PPP1R12A: variants seen among roughly 807,000 people sequenced by gnomAD.
PPP1R12A encodes myosin binding subunit.
Under a neutral mutation model 139.6 loss-of-function variants are expected in PPP1R12A, and 19 were observed. That is an observed-to-expected ratio of 0.14 (90% CI 0.09 to 0.20). The LOEUF is 0.20. PPP1R12A is among the 10% of genes least tolerant of loss of function. The probability of loss-of-function intolerance (pLI) is 1.00; values close to 1 mark genes in which losing one functional copy is unlikely to be tolerated. For synonymous variants in PPP1R12A, 427 were observed against 420.6 expected, an observed-to-expected ratio of 1.02 and a Z score of -0.19; for missense variants, 925 against 1,211.5, an observed-to-expected ratio of 0.76 and a Z score of 3.51.
intron 1 of PPP1R12A, among the ~76,000 whole-genome samples, chr12:79,901,526 A>G (rs993367578): frequency 6.6e-6 from 1 of 152,130 alleles, no homozygotes; most frequent in Non-Finnish European, 1.5e-5. Context: ...AAAAAAAAAA[A>G]GTATGTGAAA....
At chr12:79,923,263 G>A (rs533896991) in intron 1 of PPP1R12A, among the ~76,000 whole-genome samples, 2 of 152,170 alleles carry the variant, frequency 1.3e-5, no homozygotes, top group African/African-American at 2.4e-5. Context: ...TGCTGAGGGA[G>A]ACTTCGTCTC....
At chr12:79,892,941 T>C (rs935770451) in intron 1 of PPP1R12A, among the ~76,000 whole-genome samples, 2 of 151,938 alleles carry the variant, frequency 1.3e-5, no homozygotes, top group Non-Finnish European at 2.9e-5. Context: ...CCGTCTCTAC[T>C]AAAAATACAA....
At chr12:79,910,916 T>C (rs1384273229) in intron 1 of PPP1R12A, among the ~76,000 whole-genome samples, 1 of 152,176 alleles carries the variant, frequency 6.6e-6, no homozygotes, top group East Asian at 1.9e-4. Context: ...AGCACAGAAT[T>C]CTGAAGATCA....
intron 1 of PPP1R12A, among the ~76,000 whole-genome samples, chr12:79,889,756 T>C (rs1043867063): frequency 1.3e-5 from 2 of 152,262 alleles, no homozygotes; most frequent in South Asian, 4.1e-4. Context: ...TAAAATATCA[T>C]AAACTGGGGG....
chr12:79,822,112 A>T lies in PPP1R12A; in HGVS notation c.867+4T>A, dbSNP rs371885927. On this transcript the variant is annotated splice_donor_region_variant and intron_variant, in intron 6 of 24. Coordinates refer to ENST00000450142, the MANE Select transcript of PPP1R12A (RefSeq NM_002480.3). The stretch of plus-strand genomic sequence containing the variant: ...TATAGGCAATTATTAGTCATCAAAC[A>T]TACCAGATTTTGTTTCTTTTGCAAC... The T allele has an allele frequency of 6.6e-7, 1 of 1,525,738 alleles. No individual in the cohort carries two copies. Among genetic ancestry groups the T allele is most frequent in the Admixed American group, 1.9e-5 (1 of 53,862 alleles). The allele number at this position is 1,525,738 out of a possible 1,614,324, so 94.5% of individuals were successfully genotyped here. A position where few individuals can be genotyped will look rare whatever the true frequency, so the allele number is the denominator to read the frequency against.
chr12:79,838,098 T>C (rs1028719335), intron 3 of PPP1R12A, among the ~76,000 whole-genome samples: 3 of 152,212 alleles, frequency 2.0e-5, no homozygotes, highest in African/African-American at 7.2e-5. Context: ...CTGAATGGCT[T>C]TGACCAAAAT....
chr12:79,827,939 G>A (rs1212312689), intron 5 of PPP1R12A, among the ~76,000 whole-genome samples: 3 of 152,052 alleles, frequency 2.0e-5, no homozygotes, highest in Admixed American at 6.5e-5. Flanking sequence ...AATTAGAAAC[G>A]CACTTCTACG....
chr12:79,786,765 G>A (rs1318948002), intron 21 of PPP1R12A: 1 of 223,570 alleles, frequency 4.5e-6, no homozygotes, highest in Non-Finnish European at 8.7e-6. Flanking sequence ...CTGATAAAGA[G>A]GGACCACATA....
chr12:79,828,633 G>A (rs1274377588), intron 4 of PPP1R12A, among the ~76,000 whole-genome samples, 169 bp from the exon 5 acceptor site: 1 of 151,936 alleles, frequency 6.6e-6, no homozygotes, highest in Admixed American at 6.6e-5. Flanking sequence ...GTAATTCTCA[G>A]AAAAAACTCA....
At chr12:79,837,100 T>C (rs1396368340) in intron 3 of PPP1R12A, among the ~76,000 whole-genome samples, 2 of 152,234 alleles carry the variant, frequency 1.3e-5, no homozygotes, top group African/African-American at 4.8e-5. Context: ...TTGATTTCTG[T>C]TTTAAAAGAA....
chr12:79,935,142 A>T, upstream of PPP1R12A: 1 of 1,335,582 alleles, frequency 7.5e-7, no homozygotes, highest in Non-Finnish European at 9.6e-7. Flanking sequence ...CTACCACAGA[A>T]GCCCTCCCGC....
At chr12:79,880,176 C>T (rs1344995181) in intron 1 of PPP1R12A, among the ~76,000 whole-genome samples, 1 of 151,986 alleles carries the variant, frequency 6.6e-6, no homozygotes, top group African/African-American at 2.4e-5. Flanking sequence ...CCATAAATAA[C>T]AATGATCACA....
chr12:79,927,908 C>T (rs1887966237), intron 1 of PPP1R12A, among the ~76,000 whole-genome samples: 1 of 151,960 alleles, frequency 6.6e-6, no homozygotes, highest in Non-Finnish European at 1.5e-5. Context: ...TTGTGGAGCC[C>T]CACAAACTTT....
chr12:79,837,948 T>C (rs1207128381), intron 3 of PPP1R12A, among the ~76,000 whole-genome samples: 2 of 152,108 alleles, frequency 1.3e-5, no homozygotes, highest in African/African-American at 2.4e-5. Context: ...TGGTATCGGG[T>C]AGTGGGGCAC....
chr12:79,816,095 T>TAA (rs1000866947), intron 9 of PPP1R12A, among the ~76,000 whole-genome samples: 35 of 152,232 alleles, frequency 2.3e-4, no homozygotes, highest in African/African-American at 7.7e-4. Flanking sequence ...TGTGAGGATT[T>TAA]AAAAACCAAT....
At chr12:79,886,992 G>T (rs952936297) in intron 1 of PPP1R12A, among the ~76,000 whole-genome samples, 1 of 152,042 alleles carries the variant, frequency 6.6e-6, no homozygotes. Context: ...AGTCATTAGG[G>T]ATACAAAATA....
chr12:79,913,846 T>A (rs1002703064), intron 1 of PPP1R12A: 1 of 152,182 alleles, frequency 6.6e-6, no homozygotes, highest in African/African-American at 2.4e-5. Flanking sequence ...TTTAGCTCAG[T>A]GTTTCTCTTA....
At chr12:79,910,351 G>A (rs1039246306) in intron 1 of PPP1R12A, among the ~76,000 whole-genome samples, 5 of 151,946 alleles carry the variant, frequency 3.3e-5, no homozygotes, top group Non-Finnish European at 2.9e-5. Flanking sequence ...TTGGTGCTAG[G>A]CGCTTGTAAT....
chr12:79,869,093 C>T (rs994416632), intron 2 of PPP1R12A, among the ~76,000 whole-genome samples: 19 of 152,174 alleles, frequency 1.2e-4, no homozygotes, highest in Admixed American at 2.0e-4. Context: ...TAAACAACCT[C>T]TATTTTTAGT....
Sources: gnomAD v4.1 joint callset for allele counts (sites outside exome capture counted in the v4.1 genomes callset) on GRCh38, gnomAD v4.1.1 for gene constraint, MANE v1.5 for transcripts, NCBI Gene and HGNC (gene_info 2026-07-23, HGNC 2026-07-21) for gene names.